The following NHERF2 variants were observed in gnomAD, a reference collection of about 807,000 sequenced individuals.
The protein encoded by NHERF2 is NHERF family PDZ scaffold protein 2, also known as Na(+)/H(+) exchange regulatory cofactor NHE-RF2.
At chr16:2,027,832 G>C in the NHERF2 span, among the ~76,000 whole-genome samples, 1 of 152,190 alleles carries the variant, frequency 6.6e-6, no homozygotes, top group African/African-American at 2.4e-5. Context: ...TCTGCAGGCC[G>C]GTGAGTCTTT....
the NHERF2 span, chr16:2,036,971 C>T: frequency 5.8e-6 from 9 of 1,553,518 alleles, no homozygotes; most frequent in South Asian, 4.7e-5. Context: ...TGCCGTCACC[C>T]GTCACCAATG....
the NHERF2 span, chr16:2,032,966 G>C: frequency 2.3e-5 from 26 of 1,108,782 alleles, no homozygotes; most frequent in Non-Finnish European, 2.7e-5. This position sits in a 1 kb window ranked among gnomAD's most constrained non-coding sequence, Gnocchi z 4.0. Context: ...GTTGGGGCGC[G>C]GTGCCTGCGG....
At chr16:2,036,461 T>A in the NHERF2 span, 3 of 1,602,464 alleles carry the variant, frequency 1.9e-6, no homozygotes, top group Non-Finnish European at 2.6e-6. Flanking sequence ...CGGGCTCACC[T>A]GCCGCCCGCT....
At chr16:2,035,545 C>T in the NHERF2 span, 3 of 986,860 alleles carry the variant, frequency 3.0e-6, no homozygotes, top group Non-Finnish European at 2.4e-6. Context: ...CTCCTGCCTG[C>T]TCCGGCCACC....
chr16:2,031,583 G>T, the NHERF2 span, among the ~76,000 whole-genome samples: 2 of 152,084 alleles, frequency 1.3e-5, no homozygotes, highest in Non-Finnish European at 2.9e-5. Context: ...GCCCTAGGAG[G>T]GGCTTCCTCT....
the NHERF2 span, chr16:2,029,390 C>G: frequency 8.3e-6 from 5 of 601,008 alleles, no homozygotes; most frequent in African/African-American, 8.0e-5. Context: ...TGTCCGGAGC[C>G]TGAGTGCAGA....
At chr16:2,034,962 G>A in the NHERF2 span, among the ~76,000 whole-genome samples, 1 of 152,328 alleles carries the variant, frequency 6.6e-6, no homozygotes. Flanking sequence ...TCTATGTGGT[G>A]GGGCCCTGGA....
chr16:2,027,832 G>A, the NHERF2 span, among the ~76,000 whole-genome samples: 1 of 152,190 alleles, frequency 6.6e-6, no homozygotes, highest in Non-Finnish European at 1.5e-5. Flanking sequence ...TCTGCAGGCC[G>A]GTGAGTCTTT....
At chr16:2,035,942 C>T in the NHERF2 span, 13 of 215,912 alleles carry the variant, frequency 6.0e-5, no homozygotes, top group South Asian at 2.8e-4. Flanking sequence ...GAGGAGAGCC[C>T]GGGGCAGGGG....
the NHERF2 span, among the ~76,000 whole-genome samples, chr16:2,032,234 G>A: frequency 6.6e-6 from 1 of 152,120 alleles, no homozygotes; most frequent in South Asian, 2.1e-4. This position sits in a 1 kb window ranked among gnomAD's most constrained non-coding sequence, Gnocchi z 4.0. Flanking sequence ...TGGCCAGGCT[G>A]GTCTCAAACT....
the NHERF2 span, chr16:2,037,560 C>T: frequency 7.4e-6 from 12 of 1,612,300 alleles, no homozygotes; most frequent in African/African-American, 9.3e-5. Flanking sequence ...TCTGCGTGCT[C>T]GTCCCGAAGT....
the NHERF2 span, chr16:2,037,718 C>A: frequency 1.3e-6 from 2 of 1,551,208 alleles, no homozygotes; most frequent in Non-Finnish European, 1.7e-6. Flanking sequence ...CCTCGTGAGC[C>A]CCAGCCCCAG....
the NHERF2 span, chr16:2,036,931 G>A: frequency 6.4e-7 from 1 of 1,574,248 alleles, no homozygotes; most frequent in Non-Finnish European, 8.6e-7. Flanking sequence ...TGGCTGAGCA[G>A]CCACTGACAC....
the NHERF2 span, chr16:2,036,480 C>A: frequency 6.9e-6 from 11 of 1,596,852 alleles, no homozygotes; most frequent in South Asian, 1.2e-4. Context: ...CTCTGGCCTC[C>A]GCGCCCAGGA....
At chr16:2,033,590 G>A in the NHERF2 span, among the ~76,000 whole-genome samples, 1 of 152,316 alleles carries the variant, frequency 6.6e-6, no homozygotes, top group African/African-American at 2.4e-5. Context: ...TCACCATCTG[G>A]GGGGGTGCCC....
the NHERF2 span, chr16:2,037,072 C>T: frequency 2.7e-6 from 4 of 1,505,586 alleles, no homozygotes; most frequent in Non-Finnish European, 2.7e-6. Flanking sequence ...CCCCCTTCTC[C>T]CTGGAGATCC....
the NHERF2 span, chr16:2,027,089 G>C: frequency 6.4e-3 from 9,329 of 1,458,946 alleles, 503 homozygotes; most frequent in African/African-American, 0.12. Flanking sequence ...TGCACGGCGA[G>C]AAGGGCCGCC....
At chr16:2,029,198 C>T in the NHERF2 span, among the ~76,000 whole-genome samples, 3 of 152,200 alleles carry the variant, frequency 2.0e-5, no homozygotes, top group Admixed American at 6.5e-5. Flanking sequence ...TGGATGCATG[C>T]GCGCACAGGG....
At chr16:2,038,166 C>T in the NHERF2 span, 3 of 678,790 alleles carry the variant, frequency 4.4e-6, no homozygotes, top group African/African-American at 5.4e-5. Flanking sequence ...GGGCCTGTGG[C>T]AGCAAGATAG....
Sources: allele counts gnomAD v4.1 joint callset (sites outside exome capture counted in the v4.1 genomes callset), GRCh38; gene constraint gnomAD v4.1.1; non-coding constraint Gnocchi (gnomAD v3.1); transcripts MANE v1.5; gene names NCBI Gene and HGNC (gene_info 2026-07-23, HGNC 2026-07-21).